The following ADAMTSL1 variants were observed in gnomAD, a reference collection of about 807,000 sequenced individuals.
The protein encoded by ADAMTSL1 is ADAMTS-like protein 1.
In ADAMTSL1, 126 loss-of-function variants were observed where a neutral mutation model predicts 201.8. The ratio of observed to expected loss-of-function variants is 0.62; its 90% CI spans 0.54 to 0.72. ADAMTSL1 has a LOEUF of 0.72. Ranked by LOEUF, ADAMTSL1 falls within the 30% of genes least tolerant of loss-of-function variation. The pLI, the probability that ADAMTSL1 is intolerant of heterozygous loss-of-function variation, is 0.00. For missense variants in ADAMTSL1, 2,679 were observed against 2,277.8 expected, an observed-to-expected ratio of 1.18 and a Z score of -3.59; for synonymous variants, 1,121 against 903.4, an observed-to-expected ratio of 1.24 and a Z score of -4.32.
intron 4 of ADAMTSL1, among the ~76,000 whole-genome samples, chr9:18,579,936 G>A (rs761353928): frequency 1.2e-4 from 18 of 152,162 alleles, no homozygotes; most frequent in Non-Finnish European, 2.4e-4. Context: ...TGTATGGACA[G>A]AACATGTGCT....
intron 1 of ADAMTSL1, among the ~76,000 whole-genome samples, chr9:18,503,027 C>A (rs1301906889): frequency 6.6e-6 from 1 of 151,898 alleles, no homozygotes; most frequent in Non-Finnish European, 1.5e-5. Flanking sequence ...TGTTTTTGTG[C>A]CAGTGAAATG....
intron 2 of ADAMTSL1, among the ~76,000 whole-genome samples, chr9:18,293,995 A>T (rs1833374830): frequency 1.3e-5 from 2 of 152,206 alleles, no homozygotes; most frequent in South Asian, 4.1e-4. Flanking sequence ...TAATAGGAAA[A>T]ATCAGTTACC....
chr9:18,294,613 G>C (rs941713973), intron 2 of ADAMTSL1, among the ~76,000 whole-genome samples: 1 of 152,198 alleles, frequency 6.6e-6, no homozygotes, highest in Non-Finnish European at 1.5e-5. Flanking sequence ...CTTGAACTGA[G>C]TGGGAAGGGA....
chr9:18,514,671 ATTTG>A (rs1173894842), intron 2 of ADAMTSL1, among the ~76,000 whole-genome samples: 3 of 151,986 alleles, frequency 2.0e-5, no homozygotes, highest in East Asian at 1.9e-4. Context: ...GTTTTACTCA[ATTTG>A]TTTATTAGTC....
chr9:18,186,110 T>C (rs1407144633), intron 2 of ADAMTSL1, among the ~76,000 whole-genome samples: 1 of 152,190 alleles, frequency 6.6e-6, no homozygotes, highest in Non-Finnish European at 1.5e-5. Flanking sequence ...CTGTGCAGCC[T>C]GGACAACCTG....
intron 2 of ADAMTSL1, among the ~76,000 whole-genome samples, chr9:18,315,031 C>T (rs775915404): frequency 5.9e-5 from 9 of 151,654 alleles, no homozygotes; most frequent in Non-Finnish European, 1.0e-4. Flanking sequence ...CTCCTGACCT[C>T]GTGATCCGCC....
At position 18,651,628 on chromosome 9, in the gene ADAMTSL1, A is replaced by G. The variant is rs114873595; in HGVS notation, c.835-6011A>G. 3.4e-3 allele frequency among the ~76,000 whole-genome samples: 517 copies of G among 152,348 alleles called. 1 individual carries two copies. Among genetic ancestry groups the G allele is most frequent in the African/African-American group, 0.012 (496 of 41,580 alleles). ...AATTTTTAAAAGGTATTGCATATCT[A>G]TAGTTGGAAAATTTGGTTAGGAAGA... On this transcript the variant is annotated intron_variant, in intron 7 of 28. Transcript: ENST00000380548.
intron 7 of ADAMTSL1, among the ~76,000 whole-genome samples, chr9:18,654,416 A>G (rs74704780): frequency 0.061 from 9,216 of 152,312 alleles, 340 homozygotes; most frequent in Middle Eastern, 0.14. Flanking sequence ...AAAGTACCTG[A>G]AAGGTATATA....
rs55717414 is a variant in ADAMTSL1, at chr9:18,756,076, A to AATATATATATAT, written c.2217+2604_2217+2615dup. On this transcript the variant is annotated intron_variant, in intron 16 of 28. Coordinates refer to ENST00000380548, the MANE Select transcript of ADAMTSL1 (RefSeq NM_001040272.6). ...ATGGTGAAACCCTGTCTCTACTGAA[A>AATATATATATAT]ATATATATATATATATATATATATA... 3.9e-3 allele frequency among the ~76,000 whole-genome samples: 317 copies of AATATATATATAT among 80,610 alleles called. 4 individuals are homozygous for AATATATATATAT. The highest frequency in any genetic ancestry group is 5.2e-3 in the Non-Finnish European group (198 of 38,040). 52.9% of individuals were successfully genotyped at this position (80,610 alleles called of 152,430 possible).
intron 1 of ADAMTSL1, among the ~76,000 whole-genome samples, chr9:18,120,278 G>C (rs148051369): frequency 5.9e-5 from 9 of 152,334 alleles, no homozygotes; most frequent in African/African-American, 2.2e-4. Flanking sequence ...GGCCCAGAGT[G>C]AGTGATTCCA....
chr9:18,402,899 A>C (rs189263264), intron 2 of ADAMTSL1, among the ~76,000 whole-genome samples: 2 of 152,258 alleles, frequency 1.3e-5, no homozygotes, highest in East Asian at 3.9e-4. Flanking sequence ...TCAGACATTT[A>C]CTAGATGCTA....
chr9:18,166,200 G>T (rs951366734), intron 2 of ADAMTSL1, among the ~76,000 whole-genome samples: 1 of 151,912 alleles, frequency 6.6e-6, no homozygotes, highest in African/African-American at 2.4e-5. Flanking sequence ...TCTGCTCCTT[G>T]AAGACAGGAC....
chr9:18,597,152 G>A (rs2132514024), intron 4 of ADAMTSL1, among the ~76,000 whole-genome samples: 1 of 152,248 alleles, frequency 6.6e-6, no homozygotes, highest in African/African-American at 2.4e-5. Flanking sequence ...GGCTATTTTT[G>A]TCTCTTGATG....
intron 2 of ADAMTSL1, among the ~76,000 whole-genome samples, chr9:18,352,968 A>C (rs1251110171): frequency 6.6e-6 from 1 of 152,170 alleles, no homozygotes; most frequent in Non-Finnish European, 1.5e-5. Context: ...TGAGAAACAC[A>C]CTGTGACAAG....
chr9:18,072,881 C>T (rs774937340), intron 1 of ADAMTSL1, among the ~76,000 whole-genome samples: 10 of 152,066 alleles, frequency 6.6e-5, no homozygotes, highest in African/African-American at 1.4e-4. Context: ...AAAGATGAGA[C>T]GATATTTTTC....
At chr9:18,230,350 G>A (rs1018620843) in intron 2 of ADAMTSL1, among the ~76,000 whole-genome samples, 1 of 152,116 alleles carries the variant, frequency 6.6e-6, no homozygotes, top group African/African-American at 2.4e-5. Flanking sequence ...AGGGAATTCT[G>A]GACTAGTATC....
chr9:18,449,369 G>A (rs1011664462), intron 2 of ADAMTSL1, among the ~76,000 whole-genome samples: 55 of 151,766 alleles, frequency 3.6e-4, no homozygotes, highest in African/African-American at 1.1e-3. Flanking sequence ...CAACACAGTC[G>A]TAGAGCCATT....
intron 1 of ADAMTSL1, among the ~76,000 whole-genome samples, chr9:18,078,352 G>GA (rs1231432232): frequency 6.6e-6 from 1 of 151,986 alleles, no homozygotes; most frequent in Non-Finnish European, 1.5e-5. Context: ...ATAGTTAGCT[G>GA]AAAAAAATCT....
At chr9:18,814,560 A>AG (rs1362845978) in intron 20 of ADAMTSL1, among the ~76,000 whole-genome samples, 1 of 152,244 alleles carries the variant, frequency 6.6e-6, no homozygotes, top group African/African-American at 2.4e-5. Context: ...AAGATAAAAA[A>AG]GAACAGGATC....
Sources: allele counts gnomAD v4.1 joint callset (sites outside exome capture counted in the v4.1 genomes callset), GRCh38; gene constraint gnomAD v4.1.1; transcripts MANE v1.5; gene names NCBI Gene and HGNC (gene_info 2026-07-23, HGNC 2026-07-21).